The following KIF26B variants were observed in gnomAD, a reference collection of about 807,000 sequenced individuals.
KIF26B encodes the protein kinesin-like protein KIF26B.
A neutral mutation model predicts 151.2 loss-of-function variants in KIF26B; 63 were observed. That is an observed-to-expected ratio of 0.42 (90% CI 0.34 to 0.51). The LOEUF (loss-of-function observed/expected upper bound fraction) is 0.51. KIF26B is among the 20% of genes least tolerant of loss of function. KIF26B has a pLI of 0.07. For missense variants in KIF26B, 2,813 were observed against 2,913.6 expected (o/e 0.97, Z 0.79); for synonymous variants, 1,357 against 1,262.1 (o/e 1.08, Z -1.59).
chr1:245,600,227 A>T (rs1299510593), intron 5 of KIF26B, among the ~76,000 whole-genome samples: 1 of 118,974 alleles, frequency 8.4e-6, no homozygotes, highest in Admixed American at 8.3e-5. Context: ...TTTAGTAGAG[A>T]CGGGGTTTCA....
chr1:245,487,601 A>AT (rs1660309673), intron 4 of KIF26B, among the ~76,000 whole-genome samples: 1 of 151,250 alleles, frequency 6.6e-6, no homozygotes, highest in Admixed American at 6.6e-5. Context: ...TTCTAACCCT[A>AT]TTTTTTTTCT....
intron 2 of KIF26B, among the ~76,000 whole-genome samples, chr1:245,271,330 T>A (rs960176663): frequency 7.2e-5 from 11 of 152,230 alleles, no homozygotes; most frequent in Admixed American, 7.2e-4. Flanking sequence ...TCATTAAATC[T>A]ATGACTCACT....
intron 4 of KIF26B, among the ~76,000 whole-genome samples, chr1:245,506,330 C>A (rs1200284835): frequency 6.6e-6 from 1 of 152,054 alleles, no homozygotes; most frequent in Non-Finnish European, 1.5e-5. Context: ...TTTACTTTAC[C>A]CATCTTAAGT....
chr1:245,683,877 C>G (rs937986416), intron 10 of KIF26B, among the ~76,000 whole-genome samples: 1 of 152,132 alleles, frequency 6.6e-6, no homozygotes, highest in African/African-American at 2.4e-5. Flanking sequence ...GTCAGCAAGC[C>G]GAGTCACCAG....
At chr1:245,699,349 A>G (rs1357823802) in intron 14 of KIF26B, among the ~76,000 whole-genome samples, 1 of 152,200 alleles carries the variant, frequency 6.6e-6, no homozygotes, top group Non-Finnish European at 1.5e-5. Flanking sequence ...TGAAGGCTGT[A>G]TTACAAATCT....
intron 5 of KIF26B, among the ~76,000 whole-genome samples, chr1:245,558,740 A>T (rs565313560): frequency 2.6e-5 from 4 of 152,362 alleles, no homozygotes; most frequent in African/African-American, 9.6e-5. Flanking sequence ...TACCTGGACA[A>T]CATAACGTCG....
At chr1:245,573,780 C>T (rs1015621153) in intron 5 of KIF26B, among the ~76,000 whole-genome samples, 12 of 152,208 alleles carry the variant, frequency 7.9e-5, no homozygotes, top group South Asian at 2.1e-4. Context: ...TCAGAAAGTA[C>T]CGAGCCCTGT....
At chr1:245,541,788 C>T (rs748725044) in intron 5 of KIF26B, among the ~76,000 whole-genome samples, 1 of 151,886 alleles carries the variant, frequency 6.6e-6, no homozygotes, top group African/African-American at 2.4e-5. Context: ...TCCGGAGCAA[C>T]TACTAAACTG....
chr1:245,639,768 T>C (rs1351498563), intron 9 of KIF26B, among the ~76,000 whole-genome samples: 1 of 151,892 alleles, frequency 6.6e-6, no homozygotes, highest in Non-Finnish European at 1.5e-5. Flanking sequence ...TATATTTGAA[T>C]AGTTTCCAAC....
chr1:245,294,400 T>A (rs372627802), intron 2 of KIF26B, among the ~76,000 whole-genome samples: 2 of 152,120 alleles, frequency 1.3e-5, no homozygotes, highest in Non-Finnish European at 2.9e-5. Flanking sequence ...TTTGGAGGAG[T>A]TGGATAGCTT....
chr1:245,323,560 C>T (rs186386004), intron 2 of KIF26B, among the ~76,000 whole-genome samples: 15 of 152,268 alleles, frequency 9.9e-5, no homozygotes, highest in Admixed American at 7.8e-4. Flanking sequence ...TTTCACTGAG[C>T]CACAGATTTG....
chr1:245,432,403 A>G (rs1247646709), intron 4 of KIF26B, among the ~76,000 whole-genome samples: 1 of 152,198 alleles, frequency 6.6e-6, no homozygotes, highest in African/African-American at 2.4e-5. Flanking sequence ...TTGTCATTTC[A>G]AGATGAGGAT....
At chr1:245,539,308 C>T (rs953835942) in intron 4 of KIF26B, among the ~76,000 whole-genome samples, 1 of 152,198 alleles carries the variant, frequency 6.6e-6, no homozygotes, top group Non-Finnish European at 1.5e-5. Context: ...AACCAGCTAT[C>T]CCAGACCATT....
At chr1:245,282,991 C>G (rs1313735489) in intron 2 of KIF26B, 1 of 298,408 alleles carries the variant, frequency 3.4e-6, no homozygotes, top group Admixed American at 3.8e-5. Flanking sequence ...AAAACTTGTT[C>G]TGCTTGAGGC....
intron 2 of KIF26B, among the ~76,000 whole-genome samples, chr1:245,266,217 G>A (rs1670742028): frequency 6.6e-6 from 1 of 152,080 alleles, no homozygotes; most frequent in Non-Finnish European, 1.5e-5. Context: ...CAGAATTTAG[G>A]AACCCCAAAT....
At chr1:245,247,425 C>A (rs984642392) in intron 2 of KIF26B, among the ~76,000 whole-genome samples, 1 of 152,034 alleles carries the variant, frequency 6.6e-6, no homozygotes, top group Non-Finnish European at 1.5e-5. Flanking sequence ...GCCAATGTAC[C>A]CCAGCCTGGG....
intron 10 of KIF26B, among the ~76,000 whole-genome samples, chr1:245,649,622 G>A (rs925794710): frequency 3.3e-5 from 5 of 152,230 alleles, no homozygotes; most frequent in South Asian, 4.1e-4. Flanking sequence ...GCTCACTTAC[G>A]GAGGGTGGCG....
chr1:245,647,615 G>C (rs1269965570), intron 10 of KIF26B, among the ~76,000 whole-genome samples: 3 of 151,972 alleles, frequency 2.0e-5, no homozygotes, highest in African/African-American at 7.3e-5. Context: ...GTGGATTCAT[G>C]GTTTTATCTG....
chr1:245,165,091 C>A (rs1391686526), intron 2 of KIF26B, among the ~76,000 whole-genome samples: 1 of 151,220 alleles, frequency 6.6e-6, no homozygotes, highest in East Asian at 2.0e-4. Flanking sequence ...ATAAAGATTG[C>A]TGTGAGAATG....
Sources: allele counts gnomAD v4.1 joint callset (sites outside exome capture counted in the v4.1 genomes callset), GRCh38; gene constraint gnomAD v4.1.1; transcripts MANE v1.5; gene names NCBI Gene and HGNC (gene_info 2026-07-23, HGNC 2026-07-21).